CSMD1: variants seen among roughly 807,000 people sequenced by gnomAD.
CSMD1 encodes CUB and Sushi multiple domains 1.
Under a neutral mutation model 417.5 loss-of-function variants are expected in CSMD1, and 213 were observed. That is an observed-to-expected ratio of 0.51 (90% CI 0.46 to 0.57). The LOEUF (loss-of-function observed/expected upper bound fraction) is 0.57. Among genes scored for constraint, CSMD1 ranks in the 20% least tolerant of loss-of-function variants. The pLI, the probability that CSMD1 is intolerant of heterozygous loss-of-function variation, is 0.00. For synonymous variants in CSMD1, 2,862 were observed against 1,736.8 expected, an observed-to-expected ratio of 1.65 and a Z score of -16.11; for missense variants, 6,923 against 4,529.7, an observed-to-expected ratio of 1.53 and a Z score of -15.17.
At chr8:3,245,448 G>A (rs778950179) in intron 26 of CSMD1, among the ~76,000 whole-genome samples, 4 of 152,206 alleles carry the variant, frequency 2.6e-5, no homozygotes, top group Non-Finnish European at 4.4e-5. Context: ...ACAACTGGAA[G>A]TACTTTCTCA....
At chr8:3,044,377 C>G (rs941920729) in intron 50 of CSMD1, among the ~76,000 whole-genome samples, 5 of 152,130 alleles carry the variant, frequency 3.3e-5, no homozygotes. Context: ...TACTTTGTCC[C>G]AGAAAAGACA....
chr8:2,963,373 C>G lies in CSMD1; in HGVS notation c.9303G>C (p.Pro3101=). The change falls in exon 60 of 70, where the codon CCG becomes CCC. Residue 3101 remains proline (P), a synonymous_variant. Transcript: ENST00000635120. ...CCTCCACTGTTCCATTCTGCACCGG[C>G]GGCGGCTGAGGACACAGCACGGCTA... ...VCKAVLCPQP[P]PVQNGTVEGS... 1 of 1,613,752 alleles carries G rather than the reference C, an allele frequency of 6.2e-7. No homozygotes were observed. Among genetic ancestry groups the G allele is most frequent in the East Asian group, 2.2e-5 (1 of 44,872 alleles).
intron 2 of CSMD1, among the ~76,000 whole-genome samples, chr8:4,542,520 AT>A (rs1229344732): frequency 6.6e-6 from 1 of 152,224 alleles, no homozygotes; most frequent in Non-Finnish European, 1.5e-5. Flanking sequence ...AGCCTCCTTT[AT>A]GAATGCTGTT....
At chr8:3,767,146 C>T (rs1385362550) in intron 5 of CSMD1, among the ~76,000 whole-genome samples, 1 of 152,216 alleles carries the variant, frequency 6.6e-6, no homozygotes, top group Non-Finnish European at 1.5e-5. Context: ...GTGTCTCCAG[C>T]TGGTCTGTCT....
intron 2 of CSMD1, among the ~76,000 whole-genome samples, chr8:4,543,632 A>G (rs1441505801): frequency 1.5e-5 from 2 of 135,928 alleles, no homozygotes; most frequent in African/African-American, 2.7e-5. Context: ...GTAGATACCT[A>G]TGATGGCTGG....
Position 2,996,784 on chromosome 8 carries a change from T to G in CSMD1, c.8377+1227A>C, listed in dbSNP as rs112763194. On this transcript the variant is annotated intron_variant, in intron 54 of 69. Transcript: ENST00000635120. ...AAAGAGATCATTTCAACCCTAATTC[T>G]GCACATCAGATATTTCCCATGTAAT... 1.2e-3 allele frequency among the ~76,000 whole-genome samples: 177 copies of G among 152,334 alleles called. 1 individual carries two copies. The highest frequency in any genetic ancestry group is 4.2e-3 in the African/African-American group (174 of 41,570).
intron 1 of CSMD1, among the ~76,000 whole-genome samples, chr8:4,697,288 A>T (rs752510646): frequency 3.3e-5 from 5 of 152,180 alleles, no homozygotes; most frequent in Admixed American, 6.5e-5. Context: ...AGATGAAAAC[A>T]AGAGGACCAC....
chr8:3,271,653 T>A (rs535308292), intron 26 of CSMD1, among the ~76,000 whole-genome samples: 3 of 152,344 alleles, frequency 2.0e-5, no homozygotes, highest in Non-Finnish European at 2.9e-5. Flanking sequence ...TCATTGTGGT[T>A]TTCAATTTGC....
intron 54 of CSMD1, among the ~76,000 whole-genome samples, chr8:2,985,914 G>C (rs1408246791): frequency 6.8e-6 from 1 of 148,050 alleles, no homozygotes; most frequent in Non-Finnish European, 1.5e-5. Context: ...AAAGAAAGAA[G>C]GGAAGGGAAG....
At chr8:3,725,862 C>T (rs1802463048) in intron 6 of CSMD1, among the ~76,000 whole-genome samples, 1 of 152,194 alleles carries the variant, frequency 6.6e-6, no homozygotes, top group South Asian at 2.1e-4. Flanking sequence ...GATAAAAATA[C>T]ATCTACCATT....
At chr8:4,212,584 C>G (rs753203266) in intron 3 of CSMD1, among the ~76,000 whole-genome samples, 1 of 151,838 alleles carries the variant, frequency 6.6e-6, no homozygotes, top group Non-Finnish European at 1.5e-5. Context: ...CAAGGCCTGA[C>G]ATTGTCAGTA....
rs577883495 is a variant in CSMD1 at position 3,667,005 on chromosome 8, G to C, written c.1009+41409C>G. On this transcript the variant is annotated intron_variant, in intron 7 of 69. Coordinates refer to ENST00000635120, the MANE Select transcript of CSMD1 (RefSeq NM_033225.6). ...GAATTTTAGCAGAAAGATAACTATG[G>C]CACAACCCTGAAGGCGCCAAGCTAG... 2.6e-5 allele frequency among the ~76,000 whole-genome samples: 4 copies of C among 152,172 alleles called. No homozygotes were observed. In the South Asian group the frequency reaches 8.3e-4, roughly 32 times the overall value.
intron 5 of CSMD1, among the ~76,000 whole-genome samples, chr8:3,955,978 A>C (rs575105208): frequency 6.6e-6 from 1 of 152,286 alleles, no homozygotes; most frequent in East Asian, 1.9e-4. Context: ...TATTTTTAGT[A>C]GAGTCAGGGT....
intron 2 of CSMD1, among the ~76,000 whole-genome samples, chr8:4,540,349 G>A (rs748509503): frequency 3.7e-4 from 56 of 152,202 alleles, no homozygotes; most frequent in South Asian, 8.3e-4. Context: ...AACACCACCT[G>A]TTCCCCCAAA....
At chr8:4,017,173 G>A (rs149074659) in intron 4 of CSMD1, among the ~76,000 whole-genome samples, 1 of 152,154 alleles carries the variant, frequency 6.6e-6, no homozygotes, top group Non-Finnish European at 1.5e-5. Context: ...TGTGTATGTT[G>A]AAGCTTCCTT....
intron 1 of CSMD1, among the ~76,000 whole-genome samples, chr8:4,839,992 C>T (rs1800741889): frequency 6.6e-6 from 1 of 152,172 alleles, no homozygotes; most frequent in South Asian, 2.1e-4. Context: ...GAATGTGGAA[C>T]TTACAGGTGC....
chr8:4,673,839 C>A (rs189668548), intron 1 of CSMD1, among the ~76,000 whole-genome samples: 1 of 152,054 alleles, frequency 6.6e-6, no homozygotes, highest in Non-Finnish European at 1.5e-5. Flanking sequence ...CAATTGAGTG[C>A]TTGCCAGGGA....
At chr8:4,673,109 G>GCA (rs1167510903) in intron 1 of CSMD1, among the ~76,000 whole-genome samples, 10 of 151,998 alleles carry the variant, frequency 6.6e-5, no homozygotes, top group Non-Finnish European at 1.2e-4. Context: ...TGGTGACATG[G>GCA]CACACACACA....
At chr8:4,754,583 G>A (rs1295279239) in intron 1 of CSMD1, among the ~76,000 whole-genome samples, 1 of 151,542 alleles carries the variant, frequency 6.6e-6, no homozygotes, top group Non-Finnish European at 1.5e-5. Flanking sequence ...CAGGCGCAGT[G>A]GCTCATGTCT....
Sources: allele counts gnomAD v4.1 joint callset (sites outside exome capture counted in the v4.1 genomes callset), GRCh38; gene constraint gnomAD v4.1.1; transcripts MANE v1.5; gene names NCBI Gene and HGNC (gene_info 2026-07-23, HGNC 2026-07-21).